Variants in PDE1C observed in about 807,000 individuals in gnomAD.
PDE1C encodes phosphodiesterase 1C.
PDE1C carries 62 observed loss-of-function variants against 93.1 expected under a neutral mutation model. That is an observed-to-expected ratio of 0.67 (90% CI 0.54 to 0.82). The LOEUF is 0.82. Among genes scored for constraint, PDE1C ranks in the 40% least tolerant of loss-of-function variants. PDE1C has a pLI of 0.00. For synonymous variants in PDE1C, 325 were observed against 310.1 expected (o/e 1.05, Z -0.50); for missense variants, 742 against 884.6 (o/e 0.84, Z 2.04).
intron 1 of PDE1C, among the ~76,000 whole-genome samples, chr7:32,274,740 C>G (rs2128889029): frequency 6.6e-6 from 1 of 152,180 alleles, no homozygotes; most frequent in South Asian, 2.1e-4. Flanking sequence ...CACCACTCAC[C>G]CTGCAATCTC....
At chr7:32,270,046 G>A (rs949224751) in intron 1 of PDE1C, among the ~76,000 whole-genome samples, 5 of 152,136 alleles carry the variant, frequency 3.3e-5, no homozygotes, top group African/African-American at 1.2e-4. Context: ...AAAATGCTGG[G>A]ATTACAGGTG....
chr7:32,034,054 CTGTGTGTGTG>C (rs5883321), intron 2 of PDE1C, among the ~76,000 whole-genome samples: 2 of 148,394 alleles, frequency 1.3e-5, no homozygotes, highest in Non-Finnish European at 3.0e-5. Context: ...AGATGAGAGA[CTGTGTGTGTG>C]TGTGTGTGTG....
chr7:31,770,245 GGTC>G (rs1426731357), intron 17 of PDE1C, among the ~76,000 whole-genome samples: 9 of 151,658 alleles, frequency 5.9e-5, no homozygotes, highest in Admixed American at 5.9e-4. Context: ...TTTTTAATTG[GGTC>G]GTCTTTTTAT....
chr7:31,915,052 A>G (rs1801707987), intron 2 of PDE1C, among the ~76,000 whole-genome samples: 1 of 152,204 alleles, frequency 6.6e-6, no homozygotes, highest in Admixed American at 6.5e-5. Context: ...AATGATATTC[A>G]TTCATTTATT....
the PDE1C span, chr7:31,695,583 A>G: frequency 6.2e-7 from 1 of 1,613,836 alleles, no homozygotes; most frequent in African/African-American, 1.3e-5. Context: ...CCAAGGAGGA[A>G]AGATACACCG....
In PDE1C at chr7:32,161,785, A is replaced by C. The variant is rs180916566; in HGVS notation, c.308+8000T>G. Among the ~76,000 whole-genome samples, 26 of 152,148 alleles carry C rather than the reference A, an allele frequency of 1.7e-4. No homozygotes were observed. In the East Asian group the frequency reaches 4.8e-3, roughly 28 times the overall value. On this transcript the variant is annotated intron_variant, in intron 3 of 18. Transcript: ENST00000396193. ...AGTGTCCCGCTCCTCCTCCCAACCC[A>C]ACAGCACTGAAAGCTTCCTGAGGGT...
At chr7:32,341,401 T>C (rs923031627) in intron 1 of PDE1C, among the ~76,000 whole-genome samples, 1 of 150,826 alleles carries the variant, frequency 6.6e-6, no homozygotes, top group Non-Finnish European at 1.5e-5. Flanking sequence ...GGTCTCGATC[T>C]CCTGACCTCG....
chr7:31,813,762 G>C, intron 15 of PDE1C, among the ~76,000 whole-genome samples: 1 of 151,966 alleles, frequency 6.6e-6, no homozygotes, highest in East Asian at 1.9e-4. Context: ...CATCACCTGA[G>C]CGGTATACGC....
intron 2 of PDE1C, among the ~76,000 whole-genome samples, chr7:31,956,139 G>A (rs1808100986): frequency 6.6e-6 from 1 of 152,036 alleles, no homozygotes; most frequent in Non-Finnish European, 1.5e-5. Flanking sequence ...AGTCGCCCAG[G>A]CTGGAGTGCA....
the PDE1C span, chr7:31,707,223 CGA>C: frequency 1.2e-6 from 2 of 1,613,576 alleles, no homozygotes; most frequent in Non-Finnish European, 1.7e-6. Flanking sequence ...TGCTCAGGGA[CGA>C]GAGACCCAAA....
chr7:31,643,704 C>T, the PDE1C span: 1 of 1,614,048 alleles, frequency 6.2e-7, no homozygotes, highest in Non-Finnish European at 8.5e-7. Context: ...GGCCCCAGCC[C>T]CTCACCAAAT....
intron 1 of PDE1C, among the ~76,000 whole-genome samples, chr7:32,237,374 T>C (rs181016904): frequency 1.9e-3 from 282 of 152,152 alleles, no homozygotes; most frequent in African/African-American, 6.6e-3. Context: ...ATAATAAAAT[T>C]ATAATGTCAG....
intron 1 of PDE1C, among the ~76,000 whole-genome samples, chr7:32,318,642 G>A (rs1783222080): frequency 6.6e-6 from 1 of 152,222 alleles, no homozygotes; most frequent in Non-Finnish European, 1.5e-5. Flanking sequence ...TTTTCACCAG[G>A]ACGCAGGTGC....
chr7:31,828,283 A>T lies in PDE1C; in HGVS notation c.1285+9T>A. Reference sequence around the variant, plus strand: ...TGGTGCTTCTATCCAAAGAGCTGCAAACACGTACCTACTTGTGACTGAGCA... The same window carrying T: ...TGGTGCTTCTATCCAAAGAGCTGCATACACGTACCTACTTGTGACTGAGCA... On this transcript the variant is annotated intron_variant, in intron 12 of 17. Transcript: ENST00000396191. 1 of 1,609,958 alleles carries T rather than the reference A, an allele frequency of 6.2e-7. No individual in the cohort carries two copies. Among genetic ancestry groups the T allele is most frequent in the East Asian group, 2.2e-5 (1 of 44,768 alleles).
At chr7:32,222,803 T>C (rs1437258241) in intron 1 of PDE1C, among the ~76,000 whole-genome samples, 3 of 152,140 alleles carry the variant, frequency 2.0e-5, no homozygotes, top group African/African-American at 7.2e-5. Flanking sequence ...AGCAGAACTG[T>C]CTGTTTCTCC....
intron 17 of PDE1C, among the ~76,000 whole-genome samples, chr7:31,767,197 G>A (rs1331193978): frequency 2.0e-5 from 3 of 152,050 alleles, no homozygotes; most frequent in Non-Finnish European, 1.5e-5. Context: ...CTTCTATTAA[G>A]TTGATACATT....
chr7:31,907,205 G>T (rs1433449661), intron 2 of PDE1C, among the ~76,000 whole-genome samples: 1 of 151,952 alleles, frequency 6.6e-6, no homozygotes. Context: ...CAAGAAAAGT[G>T]CCATCCAAGA....
At chr7:32,294,083 C>T (rs1812494194) in intron 1 of PDE1C, among the ~76,000 whole-genome samples, 1 of 152,110 alleles carries the variant, frequency 6.6e-6, no homozygotes, top group Non-Finnish European at 1.5e-5. Flanking sequence ...CCTGCCTGCC[C>T]AGATCCCCTC....
intron 2 of PDE1C, among the ~76,000 whole-genome samples, chr7:32,170,564 T>A (rs954543131): frequency 1.3e-5 from 2 of 152,202 alleles, no homozygotes; most frequent in Admixed American, 6.5e-5. Flanking sequence ...AGTGAGAAGT[T>A]GTGTTGATAG....
Sources: allele counts gnomAD v4.1 joint callset (sites outside exome capture counted in the v4.1 genomes callset), GRCh38; gene constraint gnomAD v4.1.1; transcripts MANE v1.5; gene names NCBI Gene and HGNC (gene_info 2026-07-23, HGNC 2026-07-21).